The following NCAPD3 variants were observed in gnomAD, a reference collection of about 807,000 sequenced individuals.
NCAPD3 encodes non-SMC condensin II complex subunit D3, also known as condensin-2 complex subunit D3.
Under a neutral mutation model 182.9 loss-of-function variants are expected in NCAPD3, and 105 were observed. That is an observed-to-expected ratio of 0.57 (90% CI 0.49 to 0.68). The LOEUF is 0.68. Among genes scored for constraint, NCAPD3 ranks in the 30% least tolerant of loss-of-function variants. NCAPD3 has a pLI of 0.00. For missense variants in NCAPD3, 1,944 were observed against 1,837.0 expected (o/e 1.06, Z -1.07); for synonymous variants, 815 against 679.9 (o/e 1.20, Z -3.09).
Position 134,159,936 on chromosome 11 carries a change from C to T in NCAPD3, c.3823G>A (p.Val1275Met). ...TCAGCACCTCCAGCCGTCCCGGCCA[C>T]ATCTGCATGTTTTGCTAGCTCCTGC... ...QEQELAKHAD[V>M]AGTAGGAEVA... The change falls in exon 29 of 35, where the codon GTG (valine) becomes ATG (methionine). Residue 1275 changes from valine to methionine, a missense_variant. Transcript: ENST00000534548. 1.9e-6 allele frequency: 3 copies of T among 1,613,934 alleles called. No individual in the cohort carries two copies. The South Asian group carries it at 3.3e-5, about 18-fold the overall frequency.
intron 27 of NCAPD3, among the ~76,000 whole-genome samples, chr11:134,166,716 G>A (rs1354149282): frequency 8.1e-6 from 1 of 123,574 alleles, no homozygotes; most frequent in African/African-American, 3.3e-5. Context: ...CTTAGGGAGA[G>A]CAGCACACTC....
At chr11:134,210,606 G>A (rs1225226923) in intron 3 of NCAPD3, 152 bp from the exon 4 acceptor site, 2 of 691,336 alleles carry the variant, frequency 2.9e-6, no homozygotes, top group Non-Finnish European at 2.4e-6. Context: ...TGCAACGTCA[G>A]CCTTAGTAGA....
At chr11:134,219,496 G>A (rs1938150517) in intron 2 of NCAPD3, among the ~76,000 whole-genome samples, 1 of 152,144 alleles carries the variant, frequency 6.6e-6, no homozygotes, top group Non-Finnish European at 1.5e-5. Flanking sequence ...TCCCCACTCT[G>A]TCAACTCAGG....
chr11:134,154,531 C>CGGGTGGTGCAGCCTCACCCCTCCT (rs1428759336), intron 32 of NCAPD3, among the ~76,000 whole-genome samples: 3 of 118,914 alleles, frequency 2.5e-5, no homozygotes, highest in South Asian at 2.7e-4. Flanking sequence ...CTTGGAGGCC[C>CGGGTGGTGCAGCCTCACCCCTCCT]GGGTGGTGCA....
Position 134,223,898 on chromosome 11 carries a change from C to T in NCAPD3, c.29G>A (p.Gly10Asp). 6.2e-7 allele frequency: 1 copy of T among 1,612,734 alleles called. No homozygotes were observed. The highest frequency in any genetic ancestry group is 8.5e-7 in the Non-Finnish European group (1 of 1,179,832). ...ATCCAGCGGACACCAGGGCTGCAGG[C>T]CGCTACCAAGGCCCCGCAACGCCAC... MVALRGLGS[G>D]LQPWCPLDLR... The change falls in exon 1 of 35, where the codon GGC becomes GAC. Residue 10 changes from glycine (G) to aspartate (D), a missense_variant. Physicochemically the swap from Gly to Asp is moderately conservative, Grantham distance 94. Coordinates refer to ENST00000534548, the MANE Select transcript of NCAPD3 (RefSeq NM_015261.3).
Position 134,153,324 on chromosome 11 carries a change from T to C in NCAPD3, c.4292A>G (p.Tyr1431Cys), listed in dbSNP as rs1329370459. 6.2e-7 allele frequency: 1 copy of C among 1,614,196 alleles called. No individual in the cohort carries two copies. Among genetic ancestry groups the C allele is most frequent in the Admixed American group, 1.7e-5 (1 of 60,028 alleles). ...SDVTFGAGVS[Y>C]IGTPRTPSSA... The stretch of plus-strand genomic sequence containing the variant: ...CGACGGAGTCCGTGGTGTCCCGATG[T>C]AACTGACCCCTGCTCCAAACGTGAC... The change falls in exon 33 of 35, where the codon TAC becomes TGC. Residue 1431 changes from tyrosine to cysteine, a missense_variant. Around this residue, in one of 3 missense-constraint regions of NCAPD3, gnomAD observed 1,803 missense variants for 1,674.6 expected, o/e 1.08. Coordinates refer to ENST00000534548, the MANE Select transcript of NCAPD3 (RefSeq NM_015261.3).
chr11:134,178,767 C>T (rs766471601), intron 21 of NCAPD3, 26 bp from the exon 22 acceptor site: 39 of 1,607,844 alleles, frequency 2.4e-5, no homozygotes, highest in Non-Finnish European at 3.1e-5. Context: ...AGAAAGTTAC[C>T]GACAGAACCT....
In NCAPD3 at chr11:134,184,938, T is replaced by C. The variant is rs1944372130; in HGVS notation, c.2300A>G (p.Lys767Arg). 1 of 1,613,820 alleles carries C rather than the reference T, an allele frequency of 6.2e-7. No individual in the cohort carries two copies. The highest frequency in any genetic ancestry group is 1.1e-5 in the South Asian group (1 of 91,078). The change falls in exon 18 of 35, where the codon AAG (lysine) becomes AGG (arginine). Residue 767 changes from lysine (K) to arginine (R), a missense_variant. By Grantham distance (26) the Lys-to-Arg change is conservative. Coordinates refer to ENST00000534548, the MANE Select transcript of NCAPD3 (RefSeq NM_015261.3). ...GTCCCGGGTGCTCTTAGGAAGATGC[T>C]TTGCAATATGCCCAATCACACAGAG... is the stretch of plus-strand genomic sequence containing the variant. ...HILCVIGHIA[K>R]HLPKSTRDKV...
intron 1 of NCAPD3, among the ~76,000 whole-genome samples, chr11:134,222,226 G>A (rs1262100677): frequency 1.3e-5 from 2 of 152,188 alleles, no homozygotes; most frequent in African/African-American, 4.8e-5. Context: ...TCGAATGCAG[G>A]TAACTTCTGC....
chr11:134,169,717 T>C (rs760153319), intron 24 of NCAPD3, among the ~76,000 whole-genome samples: 3 of 152,146 alleles, frequency 2.0e-5, no homozygotes, highest in Non-Finnish European at 2.9e-5. Flanking sequence ...AATGAAGATT[T>C]TCAATGCCAG....
intron 13 of NCAPD3, among the ~76,000 whole-genome samples, chr11:134,196,098 C>T (rs543774310): frequency 1.3e-5 from 2 of 152,240 alleles, no homozygotes; most frequent in South Asian, 4.1e-4. Context: ...ACACCTTTAG[C>T]TAGACTGGCG....
intron 3 of NCAPD3, among the ~76,000 whole-genome samples, chr11:134,210,766 G>A (rs957929463): frequency 3.9e-5 from 6 of 152,150 alleles, no homozygotes; most frequent in South Asian, 2.1e-4. Flanking sequence ...AGCATAAGAA[G>A]GGCAATCCCT....
chr11:134,186,690 G>A (rs1176304778), intron 16 of NCAPD3, among the ~76,000 whole-genome samples: 3 of 152,012 alleles, frequency 2.0e-5, no homozygotes, highest in South Asian at 2.1e-4. Context: ...ATACCCACAC[G>A]CGAACATCAG....
At chr11:134,203,267 A>C in intron 11 of NCAPD3, 69 bp from the exon 12 acceptor site, 1 of 1,126,128 alleles carries the variant, frequency 8.9e-7, no homozygotes, top group Admixed American at 2.0e-5. Flanking sequence ...CCACGGAGGA[A>C]TCAAAATCAA....
rs574482040 is a variant in NCAPD3, at chr11:134,165,766, G to A, written c.3573+2230C>T. 2.1e-5 allele frequency among the ~76,000 whole-genome samples: 3 copies of A among 146,226 alleles called. 1 individual carries two copies. The South Asian group carries it at 6.7e-4, about 33-fold the overall frequency. The stretch of plus-strand genomic sequence containing the variant: ...ACTCACTTGTGAGATGAGCTTGGGG[G>A]AGGTACACACTCGTGAGAGGAGCTT... On this transcript the variant is annotated intron_variant, in intron 27 of 34. Coordinates refer to ENST00000534548, the MANE Select transcript of NCAPD3 (RefSeq NM_015261.3).
chr11:134,188,398 G>T (rs987527576), intron 16 of NCAPD3, among the ~76,000 whole-genome samples: 1 of 152,204 alleles, frequency 6.6e-6, no homozygotes, highest in Non-Finnish European at 1.5e-5. Flanking sequence ...AATAAAAGCT[G>T]GCCACCCGAG....
At chr11:134,162,257 T>G (rs1943603905) in intron 27 of NCAPD3, among the ~76,000 whole-genome samples, 2 of 152,328 alleles carry the variant, frequency 1.3e-5, no homozygotes, top group South Asian at 4.1e-4. Context: ...ACCCTCCCCT[T>G]GGAACAGAAG....
chr11:134,205,382 CTTT>C (rs571658772), intron 8 of NCAPD3, among the ~76,000 whole-genome samples: 1 of 143,296 alleles, frequency 7.0e-6, no homozygotes, highest in African/African-American at 2.5e-5. Flanking sequence ...TAAGAAATTT[CTTT>C]TTTTTTTTTT....
At chr11:134,183,038 T>A (rs886980308) in intron 19 of NCAPD3, 3 of 452,674 alleles carry the variant, frequency 6.6e-6, no homozygotes, top group Non-Finnish European at 1.3e-5. Context: ...GCCTTCCTCA[T>A]AGGCTCTCAT....
Sources: allele counts gnomAD v4.1 joint callset (sites outside exome capture counted in the v4.1 genomes callset), GRCh38; gene constraint gnomAD v4.1.1; regional missense constraint gnomAD v4.1.1; transcripts MANE v1.5; gene names NCBI Gene and HGNC (gene_info 2026-07-23, HGNC 2026-07-21).